The following ARPIN variants were observed in gnomAD, a reference collection of about 807,000 sequenced individuals.
The protein encoded by ARPIN is actin related protein 2/3 complex inhibitor, also known as UPF0552 protein C15orf38.
ARPIN carries 23 observed loss-of-function variants against 25.9 expected under a neutral mutation model. The ratio of observed to expected loss-of-function variants is 0.89; its 90% CI spans 0.64 to 1.26. The LOEUF (loss-of-function observed/expected upper bound fraction) is 1.26, where lower values mean the gene tolerates loss of function less well. Ranked by LOEUF, ARPIN falls within the 50% of genes most tolerant of loss-of-function variation. The pLI, the probability that ARPIN is intolerant of heterozygous loss-of-function variation, is 0.00. For missense variants in ARPIN, 333 were observed against 312.2 expected (o/e 1.07, Z -0.50); for synonymous variants, 126 against 131.4 (o/e 0.96, Z 0.28).
intron 2 of ARPIN, among the ~76,000 whole-genome samples, chr15:89,909,882 G>GCACCAT (rs1897193193): frequency 1.3e-5 from 2 of 152,310 alleles, no homozygotes; most frequent in Middle Eastern, 3.4e-3. Context: ...GAGGGCAACT[G>GCACCAT]CACCATCACC....
intron 3 of ARPIN, 81 bp downstream of exon 3, chr15:89,908,199 G>A: frequency 6.3e-7 from 1 of 1,578,980 alleles, no homozygotes; most frequent in Non-Finnish European, 8.6e-7. Flanking sequence ...ACACTTTCCA[G>A]GGGCTAAGAG....
At position 89,898,716 on chromosome 15, in the gene ARPIN, G is replaced by C. The variant is rs1896969367; in HGVS notation, c.*3079C>G. 1 of 113,634 alleles carries C rather than the reference G, an allele frequency of 8.8e-6. No individual in the cohort carries two copies. The highest frequency in any genetic ancestry group is 1.8e-5 in the Non-Finnish European group (1 of 55,440). 7.0% of individuals were successfully genotyped at this position (113,634 alleles called of 1,614,324 possible). Reference sequence around the variant, plus strand: ...AAGGAGGGTTGTGACATTGTGATGAGCTCTGAGTTGTATTAAGGAATTTGA... The same window carrying C: ...AAGGAGGGTTGTGACATTGTGATGACCTCTGAGTTGTATTAAGGAATTTGA... On this transcript the variant is annotated 3_prime_UTR_variant, in exon 6 of 6. Coordinates refer to ENST00000357484, the MANE Select transcript of ARPIN (RefSeq NM_182616.4).
rs546176485 is a variant in ARPIN, at chr15:89,904,126, C to T, written c.302-143G>A. On this transcript the variant is annotated intron_variant, in intron 3 of 5. Transcript: ENST00000357484. ...ACTCAGTGCCCATTCTGCGAGTCCT[C>T]ATCAAGGAACTCCACAGCAGAGGCG... is the stretch of plus-strand genomic sequence containing the variant. The T allele has an allele frequency of 1.1e-5, 11 of 1,022,776 alleles. No homozygotes were observed. The Admixed American group carries it at 2.5e-4, about 24-fold the overall frequency. The allele number at this position is 1,022,776 out of a possible 1,614,324, so 63.4% of individuals were successfully genotyped here. A position where few individuals can be genotyped will look rare whatever the true frequency, so the allele number is the denominator to read the frequency against.
intron 2 of ARPIN, among the ~76,000 whole-genome samples, chr15:89,910,049 C>T: frequency 6.6e-6 from 1 of 152,150 alleles, no homozygotes; most frequent in East Asian, 1.9e-4. Context: ...CCCACCTGCC[C>T]ACTGTGTGCT....
chr15:89,902,922 T>G, intron 5 of ARPIN: 21 of 1,336,768 alleles, frequency 1.6e-5, no homozygotes, highest in Non-Finnish European at 2.0e-5. Context: ...TAGAAATGTT[T>G]TGAGACTTAA....
At chr15:89,904,561 G>A (rs1897085309) in intron 3 of ARPIN, among the ~76,000 whole-genome samples, 1 of 152,176 alleles carries the variant, frequency 6.6e-6, no homozygotes. Context: ...AACTCTGGTA[G>A]TCCCCCTCCT....
chr15:89,897,727 T>C lies in ARPIN; in HGVS notation c.*4068A>G, dbSNP rs1896952549. The C allele has an allele frequency of 6.6e-6, 1 of 152,194 alleles. No individual in the cohort carries two copies. Among genetic ancestry groups the C allele is most frequent in the Admixed American group, 6.5e-5 (1 of 15,276 alleles). 9.4% of individuals were successfully genotyped at this position (152,194 alleles called of 1,614,324 possible). A position where few individuals can be genotyped will look rare whatever the true frequency, so the allele number is the denominator to read the frequency against. On this transcript the variant is annotated 3_prime_UTR_variant, in exon 6 of 6. Transcript: ENST00000357484. ...AATTATGAACATGACTGAGTGAAAC[T>C]ATGAGTCTTTTTTTCCCCTTTAAAT...
In ARPIN at chr15:89,912,869, C is replaced by T; in HGVS notation, c.-34G>A. ...CCGCCCGGGCACCCCGGCACAGAGC[C>T]GGCGCACTGGGCTGGGGGCGCGGCG... On this transcript the variant is annotated 5_prime_UTR_variant, in exon 1 of 6. Transcript: ENST00000357484. The T allele has an allele frequency of 6.6e-7, 1 of 1,507,844 alleles. No homozygotes were observed. The highest frequency in any genetic ancestry group is 8.8e-7 in the Non-Finnish European group (1 of 1,132,806). 93.4% of individuals were successfully genotyped at this position (1,507,844 alleles called of 1,614,324 possible). A position where few individuals can be genotyped will look rare whatever the true frequency, so the allele number is the denominator to read the frequency against.
At chr15:89,910,283 C>T (rs1336656832) in intron 2 of ARPIN, among the ~76,000 whole-genome samples, 2 of 152,046 alleles carry the variant, frequency 1.3e-5, no homozygotes, top group Admixed American at 6.5e-5. Context: ...TCGGAACTAG[C>T]GCTCCGAAAA....
rs1160087999 is a variant in ARPIN, at chr15:89,896,676, A to C, written c.*5119T>G. 6.6e-6 allele frequency: 1 copy of C among 152,210 alleles called. No individual in the cohort carries two copies. The highest frequency in any genetic ancestry group is 1.5e-5 in the Non-Finnish European group (1 of 68,038). The allele number at this position is 152,210 out of a possible 1,614,324, so 9.4% of individuals were successfully genotyped here. A position where few individuals can be genotyped will look rare whatever the true frequency, so the allele number is the denominator to read the frequency against. ...AATGGTTATATTTAAAATGCAAATA[A>C]CTGATAAACTAAAAAGATAACACTC... On this transcript the variant is annotated 3_prime_UTR_variant, in exon 6 of 6. Coordinates refer to ENST00000357484, the MANE Select transcript of ARPIN (RefSeq NM_182616.4).
At chr15:89,907,081 T>TA (rs1171634669) in intron 3 of ARPIN, among the ~76,000 whole-genome samples, 1 of 114,290 alleles carries the variant, frequency 8.7e-6, no homozygotes, top group Non-Finnish European at 1.9e-5. Context: ...ATTACTATTT[T>TA]TTTTTGAAAC....
chr15:89,912,144 AC>A (rs1157343296), intron 1 of ARPIN: 1 of 957,332 alleles, frequency 1.0e-6, no homozygotes, highest in Non-Finnish European at 1.2e-6. Flanking sequence ...CTATGGTTCA[AC>A]GCTTTTATAG....
chr15:89,901,530 G>A lies in ARPIN; in HGVS notation c.*265C>T, dbSNP rs1428454876. 4.0e-6 allele frequency: 2 copies of A among 504,976 alleles called. No individual in the cohort carries two copies. Among genetic ancestry groups the A allele is most frequent in the Non-Finnish European group, 7.0e-6 (2 of 283,724 alleles). 31.3% of individuals were successfully genotyped at this position (504,976 alleles called of 1,614,324 possible). On this transcript the variant is annotated 3_prime_UTR_variant, in exon 6 of 6. Transcript: ENST00000357484. ...CTCCATCTCTAATTTTTTTTTAAAG[G>A]GTCATCATGTAATGTCTAGGAAGGC...
chr15:89,910,743 C>T lies in ARPIN; in HGVS notation c.168+1G>A, dbSNP rs776072631. ...AGCTAGCACCGAGGAAGCATCCTCA[C>T]CTTCCTGCCATGAGTGTCCAAGATG... On this transcript the variant is annotated splice_donor_variant, in intron 2 of 5. Coordinates refer to ENST00000357484, the MANE Select transcript of ARPIN (RefSeq NM_182616.4). LOFTEE classifies it high-confidence loss of function. 1 of 1,614,144 alleles carries T rather than the reference C, an allele frequency of 6.2e-7. No homozygotes were observed. Among genetic ancestry groups the T allele is most frequent in the Non-Finnish European group, 8.5e-7 (1 of 1,179,988 alleles).
intron 5 of ARPIN, 109 bp downstream of exon 5, chr15:89,903,107 G>T: frequency 6.2e-7 from 1 of 1,605,766 alleles, no homozygotes; most frequent in Middle Eastern, 1.7e-4. Flanking sequence ...TTCCACTAAA[G>T]CTGGGGGGTA....
At position 89,901,140 on chromosome 15, in the gene ARPIN, G is replaced by C. The variant is rs1897012958; in HGVS notation, c.*655C>G. ...CTCAAGGTAGGGGGAAGGTACAAGGGACACGGAGGCTTGAAGCAGGATAGT... is the reference window on the plus strand; with the variant it reads ...CTCAAGGTAGGGGGAAGGTACAAGGCACACGGAGGCTTGAAGCAGGATAGT... On this transcript the variant is annotated 3_prime_UTR_variant, in exon 6 of 6. Coordinates refer to ENST00000357484, the MANE Select transcript of ARPIN (RefSeq NM_182616.4). 6.6e-6 allele frequency: 1 copy of C among 152,482 alleles called. No homozygotes were observed. The highest frequency in any genetic ancestry group is 2.4e-5 in the African/African-American group (1 of 41,442). The allele number at this position is 152,482 out of a possible 1,614,324, so 9.4% of individuals were successfully genotyped here. A position where few individuals can be genotyped will look rare whatever the true frequency, so the allele number is the denominator to read the frequency against.
chr15:89,906,259 TA>T (rs1897118387), intron 3 of ARPIN, among the ~76,000 whole-genome samples: 1 of 152,120 alleles, frequency 6.6e-6, no homozygotes, highest in South Asian at 2.1e-4. Flanking sequence ...CCTGCCTACT[TA>T]AAACCTCACT....
chr15:89,908,956 C>T (rs897471335), intron 2 of ARPIN, among the ~76,000 whole-genome samples: 5 of 152,074 alleles, frequency 3.3e-5, no homozygotes, highest in Non-Finnish European at 7.3e-5. Context: ...GTACTCCAGC[C>T]GGGGAGACAG....
At chr15:89,908,899 C>T (rs2141926075) in intron 2 of ARPIN, among the ~76,000 whole-genome samples, 1 of 152,276 alleles carries the variant, frequency 6.6e-6, no homozygotes, top group Admixed American at 6.5e-5. Flanking sequence ...AGGAGAATCG[C>T]TTGAGCCCAG....
Sources: gnomAD v4.1 joint callset for allele counts (sites outside exome capture counted in the v4.1 genomes callset) on GRCh38, gnomAD v4.1.1 for gene constraint, MANE v1.5 for transcripts, NCBI Gene and HGNC (gene_info 2026-07-23, HGNC 2026-07-21) for gene names.